RUNX1: variants seen among roughly 807,000 people sequenced by gnomAD.
RUNX1 encodes the protein runt-related transcription factor 1.
A neutral mutation model predicts 42.8 loss-of-function variants in RUNX1; 19 were observed. The ratio of observed to expected loss-of-function variants is 0.44; its 90% confidence interval spans 0.31 to 0.65. RUNX1 has a LOEUF of 0.65. RUNX1 is among the 30% of genes least tolerant of loss of function. The pLI, the probability that RUNX1 is intolerant of heterozygous loss-of-function variation, is 0.07. For synonymous variants in RUNX1, 271 were observed against 289.4 expected (o/e 0.94, Z 0.64); for missense variants, 528 against 672.0 (o/e 0.79, Z 2.37).
intron 2 of RUNX1, among the ~76,000 whole-genome samples, chr21:34,917,581 A>G (rs1258302389): frequency 2.6e-5 from 4 of 152,254 alleles, no homozygotes; most frequent in African/African-American, 9.6e-5. Flanking sequence ...TAAAATGACA[A>G]CATCCCTTGA....
intron 6 of RUNX1, among the ~76,000 whole-genome samples, chr21:34,838,475 C>T (rs1414446041): frequency 2.0e-5 from 3 of 152,064 alleles, no homozygotes; most frequent in Admixed American, 2.0e-4. Flanking sequence ...AAGCATAATA[C>T]CAAAAAGATA....
intron 2 of RUNX1, among the ~76,000 whole-genome samples, chr21:35,023,014 G>C (rs374681069): frequency 6.6e-6 from 1 of 150,818 alleles, no homozygotes; most frequent in Non-Finnish European, 1.5e-5. Flanking sequence ...GCATGATTAC[G>C]GCTCACTGCA....
rs191494586 is a variant in RUNX1, at chr21:34,860,129, G to A, written c.509-551C>T. Among the ~76,000 whole-genome samples the A allele has an allele frequency of 2.4e-4, 36 of 152,270 alleles. No individual in the cohort carries two copies. The East Asian group carries it at 6.4e-3, about 27-fold the overall frequency. ...TTGAAAATGCCAGATGTTATTAGAG[G>A]TACTCATGGGATCAGTCAGAATAAA... is the stretch of plus-strand genomic sequence containing the variant. On this transcript the variant is annotated intron_variant, in intron 5 of 8. Transcript: ENST00000675419.
chr21:34,991,865 A>G (rs11088302), intron 2 of RUNX1, among the ~76,000 whole-genome samples: 91,844 of 152,088 alleles, frequency 0.6, 30,058 homozygotes, highest in African/African-American at 0.88. Context: ...TATAAGAAGA[A>G]AAAACGGACA....
At chr21:34,797,586 G>T (rs2056547673) in intron 8 of RUNX1, among the ~76,000 whole-genome samples, 1 of 152,222 alleles carries the variant, frequency 6.6e-6, no homozygotes, top group Non-Finnish European at 1.5e-5. Flanking sequence ...GTGCAGAGGG[G>T]TGCCCTGAGA....
chr21:34,905,306 C>A (rs949288173), intron 2 of RUNX1, among the ~76,000 whole-genome samples: 7 of 152,186 alleles, frequency 4.6e-5, no homozygotes, highest in African/African-American at 1.7e-4. Context: ...TCAGGCATAT[C>A]CAGGCTAGCA....
chr21:35,007,825 G>C (rs75034227), intron 2 of RUNX1, among the ~76,000 whole-genome samples: 1 of 152,016 alleles, frequency 6.6e-6, no homozygotes, highest in Non-Finnish European at 1.5e-5. Flanking sequence ...CCCAAACGCC[G>C]ATGAGATCCT....
intron 7 of RUNX1, among the ~76,000 whole-genome samples, chr21:34,825,350 AAG>A (rs1242836658): frequency 6.6e-6 from 1 of 152,204 alleles, no homozygotes; most frequent in Admixed American, 6.5e-5. Flanking sequence ...GGACACAGGG[AAG>A]AGAGCTCTTT....
chr21:35,018,838 C>T (rs567738227), intron 2 of RUNX1, among the ~76,000 whole-genome samples: 4 of 152,294 alleles, frequency 2.6e-5, no homozygotes, highest in African/African-American at 7.2e-5. Flanking sequence ...TCCAACCTGC[C>T]CAACGATCTG....
rs1301560891 is a variant in RUNX1 at position 34,791,881 on chromosome 21, C to A, written c.*254G>T. On this transcript the variant is annotated 3_prime_UTR_variant, in exon 9 of 9. Transcript: ENST00000675419. ...CTGGGTGCTGGGGCCGGCGGACACCCTCGAGGTGCGTCGCCTCGGACACCT... is the reference window on the plus strand; with the variant it reads ...CTGGGTGCTGGGGCCGGCGGACACCATCGAGGTGCGTCGCCTCGGACACCT... The A allele has an allele frequency of 2.6e-5, 7 of 269,812 alleles. No homozygotes were observed. In the East Asian group the frequency reaches 3.8e-4, roughly 15 times the overall value. The allele number at this position is 269,812 out of a possible 1,614,324, so 16.7% of individuals were successfully genotyped here. A position where few individuals can be genotyped will look rare whatever the true frequency, so the allele number is the denominator to read the frequency against.
chr21:34,876,562 C>G (rs934653271), intron 5 of RUNX1, among the ~76,000 whole-genome samples: 1 of 151,958 alleles, frequency 6.6e-6, no homozygotes, highest in African/African-American at 2.4e-5. Context: ...TAAGTGAACA[C>G]GTGCATTTTT....
intron 5 of RUNX1, among the ~76,000 whole-genome samples, chr21:34,865,431 G>C (rs768815316): frequency 5.9e-5 from 9 of 152,190 alleles, no homozygotes; most frequent in Non-Finnish European, 1.2e-4. Flanking sequence ...ACAACTGTGA[G>C]TGGCTGATAT....
intron 2 of RUNX1, among the ~76,000 whole-genome samples, chr21:34,980,343 C>G (rs1259223529): frequency 6.6e-6 from 1 of 152,194 alleles, no homozygotes; most frequent in African/African-American, 2.4e-5. Flanking sequence ...ATAAGCCAGG[C>G]CAGTATGGGT....
intron 2 of RUNX1, among the ~76,000 whole-genome samples, chr21:34,953,127 C>CTT (rs66463322): frequency 7.6e-5 from 11 of 145,576 alleles, no homozygotes; most frequent in African/African-American, 2.7e-4. Flanking sequence ...GTTTTGGGGA[C>CTT]TTTTTTTTTT....
intron 5 of RUNX1, among the ~76,000 whole-genome samples, chr21:34,871,275 C>T (rs2057733314): frequency 1.3e-5 from 2 of 152,330 alleles, no homozygotes; most frequent in South Asian, 4.1e-4. Flanking sequence ...CTGGCTCAGA[C>T]ACCGTCCACG....
chr21:35,047,664 G>A (rs1292064534), intron 2 of RUNX1, among the ~76,000 whole-genome samples: 6 of 151,354 alleles, frequency 4.0e-5, no homozygotes, highest in African/African-American at 4.9e-5. Context: ...AGCATTTGCT[G>A]TGATAAAGTG....
intron 7 of RUNX1, 154 bp downstream of exon 7, chr21:34,834,256 A>G (rs1569036763): frequency 2.5e-6 from 2 of 793,940 alleles, no homozygotes; most frequent in South Asian, 2.9e-5. Flanking sequence ...TGCATTTCCA[A>G]CAGCTCCCAG....
chr21:34,858,216 C>T (rs1350607530), intron 6 of RUNX1, among the ~76,000 whole-genome samples: 1 of 152,132 alleles, frequency 6.6e-6, no homozygotes, highest in Non-Finnish European at 1.5e-5. Context: ...TGGCCAGGAC[C>T]ACAGGGAAGG....
chr21:34,954,854 A>T (rs1770041659), intron 2 of RUNX1, among the ~76,000 whole-genome samples: 1 of 152,172 alleles, frequency 6.6e-6, no homozygotes, highest in Non-Finnish European at 1.5e-5. Context: ...TGGTATGAAG[A>T]CATTGAAACA....
Sources: allele counts gnomAD v4.1 joint callset (sites outside exome capture counted in the v4.1 genomes callset), GRCh38; gene constraint gnomAD v4.1.1; transcripts MANE v1.5; gene names NCBI Gene and HGNC (gene_info 2026-07-23, HGNC 2026-07-21).